GAREM1: variants seen among roughly 807,000 people sequenced by gnomAD.
GAREM1 encodes GRB2-associated and regulator of MAPK protein 1.
GAREM1 carries 26 observed loss-of-function variants against 71.3 expected under a neutral mutation model. That is an observed-to-expected ratio of 0.36 (90% CI 0.27 to 0.51). The LOEUF is 0.51. GAREM1 is among the 20% of genes least tolerant of loss of function. The pLI, the probability that GAREM1 is intolerant of heterozygous loss-of-function variation, is 0.95. For synonymous variants in GAREM1, 440 were observed against 433.2 expected, an observed-to-expected ratio of 1.02 and a Z score of -0.20; for missense variants, 1,026 against 1,103.1, an observed-to-expected ratio of 0.93 and a Z score of 0.99.
chr18:32,422,222 G>A (rs1303568817), intron 1 of GAREM1, among the ~76,000 whole-genome samples: 1 of 151,692 alleles, frequency 6.6e-6, no homozygotes, highest in Non-Finnish European at 1.5e-5. Context: ...TCTCGCCTAT[G>A]AGTGAGAACA....
rs1217327929 is a variant in GAREM1 at position 32,287,747 on chromosome 18, A to C, written c.850T>G (p.Cys284Gly). ...ATCTTGTTGTTCCGCAGCACACAGCAAACCACCACCGTCTTGGTCTGGATG... is the reference window on the plus strand; with the variant it reads ...ATCTTGTTGTTCCGCAGCACACAGCCAACCACCACCGTCTTGGTCTGGATG... ...VNIQTKTVVV[C>G]CVLRNNKILP... The change falls in exon 4 of 6, where the codon TGC becomes GGC. Residue 284 changes from cysteine to glycine, a missense_variant. Physicochemically the swap from Cys to Gly is radical, Grantham distance 159 (BLOSUM62 -3). This residue lies in a region of GAREM1 where 218 missense variants were observed against 296.8 expected (regional missense o/e 0.73). Transcript: ENST00000269209. This position sits in a 1 kb window ranked among gnomAD's most constrained non-coding sequence, Gnocchi z 5.9. 1 of 1,613,510 alleles carries C rather than the reference A, an allele frequency of 6.2e-7. No individual in the cohort carries two copies. Among genetic ancestry groups the C allele is most frequent in the African/African-American group, 1.3e-5 (1 of 74,706 alleles).
At chr18:32,439,778 A>G (rs2048715916) in intron 1 of GAREM1, among the ~76,000 whole-genome samples, 1 of 152,094 alleles carries the variant, frequency 6.6e-6, no homozygotes, top group Non-Finnish European at 1.5e-5. Context: ...ATCATTCCCA[A>G]TCACCCCCTC....
At chr18:32,273,535 T>C (rs8087394) in intron 4 of GAREM1, among the ~76,000 whole-genome samples, 10,164 of 152,060 alleles carry the variant, frequency 0.067, 680 homozygotes, top group African/African-American at 0.17. Context: ...TTTCCCACAA[T>C]GGTGAGGAGA....
intron 2 of GAREM1, among the ~76,000 whole-genome samples, chr18:32,319,974 T>G (rs2047414193): frequency 6.6e-6 from 1 of 152,206 alleles, no homozygotes; most frequent in Non-Finnish European, 1.5e-5. Flanking sequence ...TTAAATATGC[T>G]TGTCCTGAAG....
At chr18:32,358,512 G>T (rs977027091) in intron 2 of GAREM1, among the ~76,000 whole-genome samples, 3 of 152,128 alleles carry the variant, frequency 2.0e-5, no homozygotes, top group African/African-American at 7.2e-5. Flanking sequence ...CCACTTCTCT[G>T]TTGTGAAGTA....
At chr18:32,369,175 T>C (rs1018465930) in intron 2 of GAREM1, among the ~76,000 whole-genome samples, 1 of 152,258 alleles carries the variant, frequency 6.6e-6, no homozygotes, top group Non-Finnish European at 1.5e-5. Flanking sequence ...ATTCCAAGTG[T>C]GTATTCACAT....
chr18:32,285,948 A>G (rs992658568), intron 4 of GAREM1, among the ~76,000 whole-genome samples: 2 of 152,212 alleles, frequency 1.3e-5, no homozygotes, highest in African/African-American at 4.8e-5. Context: ...CCCCTTCCCC[A>G]CAATCTGTGC....
chr18:32,302,125 A>G (rs1812954182), intron 3 of GAREM1, among the ~76,000 whole-genome samples: 1 of 152,224 alleles, frequency 6.6e-6, no homozygotes, highest in African/African-American at 2.4e-5. Flanking sequence ...TCTCAAATCC[A>G]TAAATAGAGT....
At chr18:32,368,286 C>T (rs1157641195) in intron 2 of GAREM1, among the ~76,000 whole-genome samples, 1 of 152,092 alleles carries the variant, frequency 6.6e-6, no homozygotes, top group South Asian at 2.1e-4. Context: ...TAGCCTCTCC[C>T]TTGTAACATC....
intron 2 of GAREM1, 52 bp from the exon 3 acceptor site, chr18:32,310,375 G>A (rs759368146): frequency 6.3e-7 from 1 of 1,584,192 alleles, no homozygotes; most frequent in Non-Finnish European, 8.6e-7. Context: ...CTGGACTGCT[G>A]TTACCATGGC....
intron 1 of GAREM1, among the ~76,000 whole-genome samples, chr18:32,452,215 A>G (rs1324781778): frequency 6.6e-6 from 1 of 152,114 alleles, no homozygotes; most frequent in African/African-American, 2.4e-5. Flanking sequence ...ACCCATTTTT[A>G]TAATAGAGTT....
chr18:32,357,806 C>A (rs1024159183), intron 2 of GAREM1, among the ~76,000 whole-genome samples: 2 of 152,150 alleles, frequency 1.3e-5, no homozygotes, highest in Admixed American at 6.5e-5. Context: ...CTCTGGAACA[C>A]TGCAATTATA....
intron 3 of GAREM1, among the ~76,000 whole-genome samples, chr18:32,303,865 G>A (rs2047222683): frequency 6.6e-6 from 1 of 151,882 alleles, no homozygotes; most frequent in South Asian, 2.1e-4. Context: ...AGGCTGCAAT[G>A]AGCTATGATA....
intron 2 of GAREM1, among the ~76,000 whole-genome samples, chr18:32,371,074 CA>C (rs1169133546): frequency 1.3e-5 from 2 of 151,984 alleles, no homozygotes; most frequent in East Asian, 3.9e-4. Flanking sequence ...AAGGAAGCAT[CA>C]GAAGAGGCTT....
At chr18:32,279,338 GTA>G (rs746842515) in intron 4 of GAREM1, among the ~76,000 whole-genome samples, 5 of 152,182 alleles carry the variant, frequency 3.3e-5, no homozygotes, top group Non-Finnish European at 7.3e-5. Context: ...AGCTTCATCT[GTA>G]TTTACAGCTG....
chr18:32,303,726 T>C (rs1472416767), intron 3 of GAREM1, among the ~76,000 whole-genome samples: 1 of 152,022 alleles, frequency 6.6e-6, no homozygotes. Flanking sequence ...AAGACCAGCC[T>C]GGGCAACACT....
intron 2 of GAREM1, among the ~76,000 whole-genome samples, chr18:32,364,020 A>ATTTTTT (rs1333086760): frequency 2.0e-5 from 1 of 49,544 alleles, no homozygotes; most frequent in African/African-American, 1.5e-4. Context: ...ATATATATAT[A>ATTTTTT]TATATATGTT....
chr18:32,379,675 A>G (rs1412303954), intron 2 of GAREM1, among the ~76,000 whole-genome samples: 1 of 151,910 alleles, frequency 6.6e-6, no homozygotes, highest in Non-Finnish European at 1.5e-5. Context: ...ACTGTACTCC[A>G]GCCTGGGTGA....
At chr18:32,442,594 A>G (rs2048749181) in intron 1 of GAREM1, among the ~76,000 whole-genome samples, 1 of 152,188 alleles carries the variant, frequency 6.6e-6, no homozygotes, top group Non-Finnish European at 1.5e-5. Context: ...TATTTGAGGA[A>G]GAGAATATAT....
Sources: gnomAD v4.1 joint callset for allele counts (sites outside exome capture counted in the v4.1 genomes callset) on GRCh38, gnomAD v4.1.1 for gene constraint, gnomAD v4.1.1 regional missense constraint, Gnocchi (gnomAD v3.1) non-coding constraint, MANE v1.5 for transcripts, NCBI Gene and HGNC (gene_info 2026-07-23, HGNC 2026-07-21) for gene names.